FGD4: variants seen among roughly 807,000 people sequenced by gnomAD.
FGD4 encodes the protein FYVE, RhoGEF and PH domain-containing protein 4.
A neutral mutation model predicts 102.0 loss-of-function variants in FGD4; 42 were observed. That is an observed-to-expected ratio of 0.41 (90% CI 0.32 to 0.53). FGD4 has a LOEUF of 0.53. Among genes scored for constraint, FGD4 ranks in the 20% least tolerant of loss-of-function variants. FGD4 has a pLI of 0.21. For synonymous variants in FGD4, 380 were observed against 375.7 expected, an observed-to-expected ratio of 1.01 and a Z score of -0.13; for missense variants, 902 against 1,078.2, an observed-to-expected ratio of 0.84 and a Z score of 2.29.
intron 4 of FGD4, among the ~76,000 whole-genome samples, chr12:32,590,444 A>C (rs989684139): frequency 3.3e-5 from 5 of 151,978 alleles, no homozygotes; most frequent in Admixed American, 2.0e-4. Context: ...TTGAGACCTC[A>C]TGACCCTTTT....
At position 32,544,296 on chromosome 12, in the gene FGD4, G is replaced by C. The variant is rs1437990426; in HGVS notation, c.167-19841G>C. Among the ~76,000 whole-genome samples, 1 of 152,116 alleles carries C rather than the reference G, an allele frequency of 6.6e-6. No homozygotes were observed. Among genetic ancestry groups the C allele is most frequent in the Non-Finnish European group, 1.5e-5 (1 of 68,020 alleles). ...AATGCAAAAATGAGCTGGGCGTGGT[G>C]GTGGGTACCTGTAATCCCAGCTACT... On this transcript the variant is annotated intron_variant, in intron 1 of 16. Transcript: ENST00000534526. This position sits in a 1 kb window ranked among gnomAD's most constrained non-coding sequence, Gnocchi z 4.1.
At chr12:32,561,148 G>A (rs553770115) in intron 1 of FGD4, among the ~76,000 whole-genome samples, 6 of 130,864 alleles carry the variant, frequency 4.6e-5, no homozygotes, top group South Asian at 5.2e-4. Context: ...GCAATGGTGC[G>A]ATCTCAGCTC....
At chr12:32,577,422 T>C (rs1327849482) in intron 3 of FGD4, among the ~76,000 whole-genome samples, 4 of 152,250 alleles carry the variant, frequency 2.6e-5, no homozygotes, top group Admixed American at 2.6e-4. Flanking sequence ...ACTTATGTAA[T>C]GAAATCATAG....
At chr12:32,497,828 C>T (rs753258477) in intron 1 of FGD4, among the ~76,000 whole-genome samples, 9 of 152,144 alleles carry the variant, frequency 5.9e-5, no homozygotes, top group East Asian at 1.9e-4. Flanking sequence ...AAGGGTAGTA[C>T]GCAGATGTAT....
intron 4 of FGD4, among the ~76,000 whole-genome samples, chr12:32,591,434 G>C (rs1315045888): frequency 6.6e-6 from 1 of 152,180 alleles, no homozygotes; most frequent in Non-Finnish European, 1.5e-5. Flanking sequence ...GAATAATATT[G>C]TCTGATTCAT....
At chr12:32,461,588 G>A (rs768078241) in intron 1 of FGD4, among the ~76,000 whole-genome samples, 16 of 152,122 alleles carry the variant, frequency 1.1e-4, no homozygotes, top group Non-Finnish European at 2.1e-4. Flanking sequence ...CTCCCTTAAA[G>A]CAAACAGAAG....
rs148703824 is a variant in FGD4, at chr12:32,539,298, G to A, written c.167-24839G>A. On this transcript the variant is annotated intron_variant, in intron 1 of 16. Transcript: ENST00000534526. The stretch of plus-strand genomic sequence containing the variant: ...GAAAACCAATACACGGGCCAGGTGC[G>A]GTGGCTCACATCCGTAATCCCAGCA... Among the ~76,000 whole-genome samples, 121 of 151,786 alleles carry A rather than the reference G, an allele frequency of 8.0e-4. 1 individual carries two copies. In the East Asian group the frequency reaches 0.018, roughly 23 times the overall value.
rs1010382580 is a variant in FGD4, at chr12:32,642,511, T to C, written c.*1978T>C. On this transcript the variant is annotated 3_prime_UTR_variant, in exon 17 of 17. Coordinates refer to ENST00000534526, the MANE Select transcript of FGD4 (RefSeq NM_001370298.3). Reference sequence around the variant, plus strand: ...TAAGTCAGATTATTTTTGAAAACTATTTTTAAAAGCAAGAAGACTACACTT... The same window carrying C: ...TAAGTCAGATTATTTTTGAAAACTACTTTTAAAAGCAAGAAGACTACACTT... The C allele has an allele frequency of 6.6e-6, 1 of 151,994 alleles. No homozygotes were observed. Among genetic ancestry groups the C allele is most frequent in the Non-Finnish European group, 1.5e-5 (1 of 67,938 alleles). The allele number at this position is 151,994 out of a possible 1,614,324, so 9.4% of individuals were successfully genotyped here.
chr12:32,415,516 G>A (rs926229264), intron 1 of FGD4, among the ~76,000 whole-genome samples: 1 of 146,978 alleles, frequency 6.8e-6, no homozygotes, highest in African/African-American at 2.5e-5. Flanking sequence ...TCCGTCTCCT[G>A]GGTTCACGCC....
intron 1 of FGD4, among the ~76,000 whole-genome samples, chr12:32,518,538 A>AT (rs142728926): frequency 0.019 from 2,893 of 152,114 alleles, 83 homozygotes; most frequent in South Asian, 0.094. Context: ...TTTTTCTAGC[A>AT]TTTTTTTCCA....
chr12:32,521,155 G>A (rs1360268707), intron 1 of FGD4, among the ~76,000 whole-genome samples: 1 of 152,008 alleles, frequency 6.6e-6, no homozygotes, highest in East Asian at 1.9e-4. Flanking sequence ...TTGGGAGTCC[G>A]AGGCGGGTGG....
chr12:32,480,383 C>T (rs187601704), intron 1 of FGD4, among the ~76,000 whole-genome samples: 24 of 151,242 alleles, frequency 1.6e-4, no homozygotes, highest in African/African-American at 4.6e-4. Flanking sequence ...AGGATGGTCT[C>T]GATCTCTTGT....
intron 1 of FGD4, among the ~76,000 whole-genome samples, chr12:32,467,840 A>G (rs951322137): frequency 3.3e-5 from 5 of 151,930 alleles, no homozygotes; most frequent in African/African-American, 1.2e-4. Flanking sequence ...ACGTGGTGAA[A>G]CCCTGTCTCT....
intron 2 of FGD4, among the ~76,000 whole-genome samples, chr12:32,566,878 A>G (rs1945232214): frequency 6.6e-6 from 1 of 152,180 alleles, no homozygotes. Flanking sequence ...TGGGACTTCA[A>G]GGTCACTATG....
intron 5 of FGD4, among the ~76,000 whole-genome samples, chr12:32,599,114 TGTA>T (rs1948139194): frequency 6.6e-6 from 1 of 152,230 alleles, no homozygotes; most frequent in African/African-American, 2.4e-5. Context: ...AATGTGTGAA[TGTA>T]CTTTATCATA....
intron 1 of FGD4, among the ~76,000 whole-genome samples, chr12:32,407,121 ATT>A (rs35497027): frequency 0.41 from 37,150 of 89,962 alleles, 6,049 homozygotes; most frequent in African/African-American, 0.56. Context: ...AAGAAGCTGT[ATT>A]TTTTTTTTTT....
intron 1 of FGD4, among the ~76,000 whole-genome samples, chr12:32,473,583 A>C (rs944884686): frequency 6.6e-6 from 1 of 152,264 alleles, no homozygotes; most frequent in East Asian, 1.9e-4. Context: ...TAAGAGCTGT[A>C]ACACTCACCG....
chr12:32,636,527 C>A (rs1188936173), intron 15 of FGD4, among the ~76,000 whole-genome samples: 2 of 150,416 alleles, frequency 1.3e-5, no homozygotes, highest in Non-Finnish European at 3.0e-5. Flanking sequence ...GAGCTAAACT[C>A]CGTCTCAAAA....
chr12:32,614,808 A>C (rs1313645190), intron 10 of FGD4, among the ~76,000 whole-genome samples: 1 of 152,242 alleles, frequency 6.6e-6, no homozygotes, highest in East Asian at 1.9e-4. Flanking sequence ...GATGGATTAA[A>C]TGGCTGCTAT....
Sources: allele counts gnomAD v4.1 joint callset (sites outside exome capture counted in the v4.1 genomes callset), GRCh38; gene constraint gnomAD v4.1.1; non-coding constraint Gnocchi (gnomAD v3.1); transcripts MANE v1.5; gene names NCBI Gene and HGNC (gene_info 2026-07-23, HGNC 2026-07-21).